Variants in AKT1 observed in about 807,000 individuals in gnomAD.
The protein encoded by AKT1 is RAC-alpha serine/threonine-protein kinase.
Under a neutral mutation model 63.1 loss-of-function variants are expected in AKT1, and 21 were observed. The observed-to-expected ratio is 0.33, with a 90% confidence interval of 0.24 to 0.48. The LOEUF (loss-of-function observed/expected upper bound fraction) is 0.48. AKT1 is among the 20% of genes least tolerant of loss of function. The pLI, the probability that AKT1 is intolerant of heterozygous loss-of-function variation, is 0.99. For missense variants in AKT1, 382 were observed against 666.0 expected, an observed-to-expected ratio of 0.57 and a Z score of 4.69; for synonymous variants, 257 against 253.1, an observed-to-expected ratio of 1.02 and a Z score of -0.15.
Position 104,795,263 on chromosome 14 carries a change from C to T in AKT1, c.-258+221G>A, listed in dbSNP as rs1893832679. Reference sequence around the variant, plus strand: ...AGGTCATGAGGGAGGCTGGGGCCGGCAGCCTGCACCCCCGGCGCCCGGCGT... The same window carrying T: ...AGGTCATGAGGGAGGCTGGGGCCGGTAGCCTGCACCCCCGGCGCCCGGCGT... On this transcript the variant is annotated intron_variant, in intron 1 of 14. Transcript: ENST00000649815. This position sits in a 1 kb window ranked among gnomAD's most constrained non-coding sequence, Gnocchi z 5.1. Among the ~76,000 whole-genome samples, 1 of 151,348 alleles carries T rather than the reference C, an allele frequency of 6.6e-6. No homozygotes were observed. The highest frequency in any genetic ancestry group is 2.1e-4 in the South Asian group (1 of 4,832).
chr14:104,786,595 CTCGTCCTCCACACCG>C (rs1193928260), intron 3 of AKT1, among the ~76,000 whole-genome samples: 1 of 152,206 alleles, frequency 6.6e-6, no homozygotes, highest in African/African-American at 2.4e-5. Flanking sequence ...CAGTAGGGAC[CTCGTCCTCCACACCG>C]ACCATGGGAA....
chr14:104,770,884 G>A (rs762121960), intron 13 of AKT1, 37 bp from the exon 14 acceptor site: 8 of 1,580,960 alleles, frequency 5.1e-6, no homozygotes, highest in South Asian at 1.1e-5. Flanking sequence ...CATGAGCTTC[G>A]CTCCCCACTC....
At chr14:104,786,754 T>C (rs1451479233) in intron 3 of AKT1, among the ~76,000 whole-genome samples, 1 of 152,114 alleles carries the variant, frequency 6.6e-6, no homozygotes, top group Non-Finnish European at 1.5e-5. Flanking sequence ...CCCGGCCTGC[T>C]GGGACATTGT....
intron 5 of AKT1, chr14:104,776,417 G>C (rs1892717932): frequency 2.2e-6 from 1 of 451,434 alleles, no homozygotes; most frequent in Non-Finnish European, 4.0e-6. Context: ...AAAGTGCCGA[G>C]ATTATAGACG....
At chr14:104,789,029 C>A (rs954955478) in intron 3 of AKT1, among the ~76,000 whole-genome samples, 4 of 152,244 alleles carry the variant, frequency 2.6e-5, no homozygotes, top group Admixed American at 6.5e-5. Flanking sequence ...ACCCACGCGC[C>A]CCAGGCAGCT....
At chr14:104,771,039 G>A in intron 13 of AKT1, 192 bp from the exon 14 acceptor site, 1 of 594,148 alleles carries the variant, frequency 1.7e-6, no homozygotes, top group Non-Finnish European at 3.0e-6. Flanking sequence ...GGGTGCAGGA[G>A]CACGGAGACA....
At position 104,774,256 on chromosome 14, in the gene AKT1, C is replaced by T. The variant is rs548658149; in HGVS notation, c.634-276G>A. The T allele has an allele frequency of 5.1e-4, 262 of 514,224 alleles. 2 individuals carry two copies. In the South Asian group the frequency reaches 5.4e-3, roughly 11 times the overall value. 31.9% of individuals were successfully genotyped at this position (514,224 alleles called of 1,614,324 possible). Reference sequence around the variant, plus strand: ...CCACACCACACTGCCCCACACCACACTGCCTCATGCCACGCCACCATCAGG... The same window carrying T: ...CCACACCACACTGCCCCACACCACATTGCCTCATGCCACGCCACCATCAGG... On this transcript the variant is annotated intron_variant, in intron 8 of 14. Transcript: ENST00000649815.
At chr14:104,787,235 G>A (rs1020702939) in intron 3 of AKT1, among the ~76,000 whole-genome samples, 1 of 152,174 alleles carries the variant, frequency 6.6e-6, no homozygotes, top group African/African-American at 2.4e-5. Flanking sequence ...GGCAGGGAAG[G>A]GAACTCCCGT....
chr14:104,777,672 G>A (rs767835167), intron 4 of AKT1: 58 of 986,380 alleles, frequency 5.9e-5, no homozygotes, highest in East Asian at 1.1e-4. Flanking sequence ...CTGGGGCTCC[G>A]TGGCAGGCTC....
chr14:104,792,084 G>A (rs922579039), intron 3 of AKT1, among the ~76,000 whole-genome samples: 1 of 152,214 alleles, frequency 6.6e-6, no homozygotes, highest in Admixed American at 6.5e-5. Flanking sequence ...GAGTGAGGAG[G>A]GGGACACAGG....
rs1404826037 is a variant in AKT1, at chr14:104,769,702, A to G, written c.*639T>C. ...AACCCCCAAAATGCATTTGAACAAC[A>G]TAATACACAATAACAAATTTAAACC... On this transcript the variant is annotated 3_prime_UTR_variant, in exon 15 of 15. Transcript: ENST00000649815. 1.6e-5 allele frequency: 7 copies of G among 427,522 alleles called. No homozygotes were observed. The highest frequency in any genetic ancestry group is 1.0e-4 in the African/African-American group (5 of 48,812). 26.5% of individuals were successfully genotyped at this position (427,522 alleles called of 1,614,324 possible). A position where few individuals can be genotyped will look rare whatever the true frequency, so the allele number is the denominator to read the frequency against.
chr14:104,777,849 G>A (rs915341620), intron 4 of AKT1: 1 of 343,954 alleles, frequency 2.9e-6, no homozygotes, highest in Admixed American at 6.5e-5. Context: ...TGGTGGGGAG[G>A]GTGGCCTGTG....
intron 3 of AKT1, among the ~76,000 whole-genome samples, chr14:104,792,128 T>A (rs1893659807): frequency 6.6e-6 from 1 of 152,150 alleles, no homozygotes; most frequent in Non-Finnish European, 1.5e-5. Flanking sequence ...GCTCTGCAGC[T>A]CCAAGGCAAA....
rs1892297152 is a variant in AKT1, at chr14:104,770,197, A to G, written c.*144T>C. On this transcript the variant is annotated 3_prime_UTR_variant, in exon 15 of 15. Transcript: ENST00000649815. Reference sequence around the variant, plus strand: ...GGGGGAGGGTGCTGCCCACAGCACAAAAACGTCTTTCCATCTGGGCTCGAG... The same window carrying G: ...GGGGGAGGGTGCTGCCCACAGCACAGAAACGTCTTTCCATCTGGGCTCGAG... The G allele has an allele frequency of 4.5e-6, 4 of 893,286 alleles. 1 individual carries two copies. Among genetic ancestry groups the G allele is most frequent in the South Asian group, 2.9e-5 (2 of 68,580 alleles). The allele number at this position is 893,286 out of a possible 1,614,324, so 55.3% of individuals were successfully genotyped here. A position where few individuals can be genotyped will look rare whatever the true frequency, so the allele number is the denominator to read the frequency against.
chr14:104,786,880 G>GAC (rs1484015099), intron 3 of AKT1, among the ~76,000 whole-genome samples: 4 of 152,304 alleles, frequency 2.6e-5, no homozygotes, highest in African/African-American at 4.8e-5. Context: ...AGGCCAGCCA[G>GAC]ACCCTGGCCA....
intron 14 of AKT1, 57 bp from the exon 15 acceptor site, chr14:104,770,477 C>T: frequency 1.3e-6 from 2 of 1,483,270 alleles, no homozygotes; most frequent in Non-Finnish European, 1.8e-6. Flanking sequence ...CCTCCACCCA[C>T]CCACAGCTCC....
Position 104,795,261 on chromosome 14 carries a change from G to C in AKT1, c.-258+223C>G, listed in dbSNP as rs1893832420. On this transcript the variant is annotated intron_variant, in intron 1 of 14. Coordinates refer to ENST00000649815, the MANE Select transcript of AKT1 (RefSeq NM_001382430.1). The surrounding 1 kb of genome is among the most constrained non-coding windows in gnomAD (Gnocchi z 5.1). Reference sequence around the variant, plus strand: ...CAAGGTCATGAGGGAGGCTGGGGCCGGCAGCCTGCACCCCCGGCGCCCGGC... The same window carrying C: ...CAAGGTCATGAGGGAGGCTGGGGCCCGCAGCCTGCACCCCCGGCGCCCGGC... 1.3e-5 allele frequency among the ~76,000 whole-genome samples: 2 copies of C among 151,244 alleles called. No homozygotes were observed. Among genetic ancestry groups the C allele is most frequent in the Admixed American group, 1.3e-4 (2 of 15,186 alleles).
intron 1 of AKT1, among the ~76,000 whole-genome samples, chr14:104,794,718 T>G (rs1468568428): frequency 6.6e-6 from 1 of 152,190 alleles, no homozygotes; most frequent in Non-Finnish European, 1.5e-5. Flanking sequence ...AGTGGCCACC[T>G]GGAGCAAGGC....
intron 3 of AKT1, among the ~76,000 whole-genome samples, chr14:104,785,571 C>CCAGG (rs1371233123): frequency 6.6e-6 from 1 of 152,198 alleles, no homozygotes; most frequent in Non-Finnish European, 1.5e-5. Flanking sequence ...AGAAAGCCCA[C>CCAGG]CAGGCAGGCA....
Sources: allele counts gnomAD v4.1 joint callset (sites outside exome capture counted in the v4.1 genomes callset), GRCh38; gene constraint gnomAD v4.1.1; non-coding constraint Gnocchi (gnomAD v3.1); transcripts MANE v1.5; gene names NCBI Gene and HGNC (gene_info 2026-07-23, HGNC 2026-07-21).